Variants in SMAP1 observed in about 807,000 individuals in gnomAD.
The protein encoded by SMAP1 is stromal membrane-associated protein 1.
SMAP1 carries 24 observed loss-of-function variants against 58.5 expected under a neutral mutation model. The observed-to-expected ratio is 0.41, with a 90% CI of 0.30 to 0.58. The LOEUF (loss-of-function observed/expected upper bound fraction) is 0.58. SMAP1 is among the 20% of genes least tolerant of loss of function. The pLI, the probability that SMAP1 is intolerant of heterozygous loss-of-function variation, is 0.29. For missense variants in SMAP1, 563 were observed against 566.3 expected, an observed-to-expected ratio of 0.99 and a Z score of 0.06; for synonymous variants, 216 against 196.6, an observed-to-expected ratio of 1.10 and a Z score of -0.82.
intron 5 of SMAP1, among the ~76,000 whole-genome samples, chr6:70,795,815 G>T (rs919991824): frequency 6.6e-6 from 1 of 150,930 alleles, no homozygotes; most frequent in Non-Finnish European, 1.5e-5. Context: ...TCAGCTCACT[G>T]CAACCTCCGC....
chr6:70,681,438 CA>C (rs1391815093), intron 1 of SMAP1, among the ~76,000 whole-genome samples: 3 of 152,046 alleles, frequency 2.0e-5, no homozygotes, highest in Non-Finnish European at 4.4e-5. Context: ...AAAACAAAAA[CA>C]AAAAACATGC....
At chr6:70,767,849 C>A (rs1373076040) in intron 3 of SMAP1, among the ~76,000 whole-genome samples, 1 of 139,686 alleles carries the variant, frequency 7.2e-6, no homozygotes, top group Non-Finnish European at 1.5e-5. Context: ...GGGAATGCTT[C>A]CAGTTTTTGC....
intron 4 of SMAP1, among the ~76,000 whole-genome samples, chr6:70,776,903 T>A (rs1767570184): frequency 6.6e-6 from 1 of 152,232 alleles, no homozygotes; most frequent in Admixed American, 6.5e-5. Flanking sequence ...GATGGAAATT[T>A]AGGTTAATTC....
At chr6:70,787,728 T>C (rs1317655613) in intron 4 of SMAP1, among the ~76,000 whole-genome samples, 1 of 151,156 alleles carries the variant, frequency 6.6e-6, no homozygotes, top group Non-Finnish European at 1.5e-5. Context: ...ATCAGAGAAA[T>C]GCAAATCAAA....
At chr6:70,710,902 C>T (rs1161828060) in intron 1 of SMAP1, among the ~76,000 whole-genome samples, 4 of 152,020 alleles carry the variant, frequency 2.6e-5, no homozygotes, top group East Asian at 1.9e-4. Context: ...AACTAAGACA[C>T]GAACACCCAT....
chr6:70,723,367 C>G (rs189896311), intron 1 of SMAP1, among the ~76,000 whole-genome samples: 2 of 152,306 alleles, frequency 1.3e-5, no homozygotes, highest in East Asian at 3.9e-4. Context: ...TGTGAAGAAG[C>G]CATATTGTTC....
At chr6:70,825,735 A>C (rs1279411461) in intron 6 of SMAP1, among the ~76,000 whole-genome samples, 1 of 152,228 alleles carries the variant, frequency 6.6e-6, no homozygotes, top group East Asian at 1.9e-4. Flanking sequence ...CAAATTGGAT[A>C]CTTGTAAGAG....
At chr6:70,821,070 C>T (rs373050947) in intron 6 of SMAP1, among the ~76,000 whole-genome samples, 10 of 152,116 alleles carry the variant, frequency 6.6e-5, no homozygotes, top group Admixed American at 2.0e-4. Context: ...GATTTCCCCC[C>T]CTCCCTGCCC....
At chr6:70,694,849 T>C (rs936897986) in intron 1 of SMAP1, among the ~76,000 whole-genome samples, 1 of 152,222 alleles carries the variant, frequency 6.6e-6, no homozygotes, top group Non-Finnish European at 1.5e-5. Flanking sequence ...TTTTTGAAAT[T>C]ATTTAACTGC....
At chr6:70,800,860 T>C (rs905407026) in intron 6 of SMAP1, among the ~76,000 whole-genome samples, 2 of 152,232 alleles carry the variant, frequency 1.3e-5, no homozygotes, top group Admixed American at 6.5e-5. Flanking sequence ...CCTTTTGTTA[T>C]GACTGTGTAG....
At position 70,860,430 on chromosome 6, in the gene SMAP1, T is replaced by A. The variant is rs568284267; in HGVS notation, c.*96T>A. The A allele has an allele frequency of 7.1e-7, 1 of 1,407,822 alleles. No individual in the cohort carries two copies. The allele number at this position is 1,407,822 out of a possible 1,614,324, so 87.2% of individuals were successfully genotyped here. On this transcript the variant is annotated 3_prime_UTR_variant, in exon 11 of 11. Coordinates refer to ENST00000370455, the MANE Select transcript of SMAP1 (RefSeq NM_001044305.3). ...TTTATTCATATGCATATTTTTTTTC[T>A]TTTTACCCATTTGTTCATATTAAGA...
At chr6:70,759,911 AT>A (rs1484402872) in intron 3 of SMAP1, 8 of 433,886 alleles carry the variant, frequency 1.8e-5, no homozygotes, top group African/African-American at 4.1e-5. Context: ...TGACCATGGC[AT>A]TTTATGTACA....
At chr6:70,806,784 G>T (rs992172915) in intron 6 of SMAP1, among the ~76,000 whole-genome samples, 1 of 152,086 alleles carries the variant, frequency 6.6e-6, no homozygotes, top group African/African-American at 2.4e-5. Context: ...AAACATATTT[G>T]GGATTTGGAA....
At chr6:70,838,008 A>G in intron 7 of SMAP1, 3 of 847,032 alleles carry the variant, frequency 3.5e-6, no homozygotes, top group South Asian at 5.1e-5. Context: ...AAAGTTGTGT[A>G]TTAGAAATAT....
At chr6:70,704,597 A>G (rs997095766) in intron 1 of SMAP1, among the ~76,000 whole-genome samples, 3 of 152,168 alleles carry the variant, frequency 2.0e-5, no homozygotes, top group Admixed American at 6.6e-5. Flanking sequence ...CTGGTACAGA[A>G]TTTGCCTTAG....
chr6:70,861,833 A>G lies in SMAP1; in HGVS notation c.*1499A>G, dbSNP rs1250447044. On this transcript the variant is annotated 3_prime_UTR_variant, in exon 11 of 11. Transcript: ENST00000370455. ...GCAGCACAAGTGTAATGAATACCTT[A>G]GTGCAGTTATTTGCTTTCGGTTCCA... 2 of 1,614,080 alleles carry G rather than the reference A, an allele frequency of 1.2e-6. No homozygotes were observed. The highest frequency in any genetic ancestry group is 1.7e-6 in the Non-Finnish European group (2 of 1,179,974).
Position 70,860,426 on chromosome 6 carries a change from T to C in SMAP1, c.*92T>C. The C allele has an allele frequency of 6.8e-7, 1 of 1,463,202 alleles. No homozygotes were observed. Among genetic ancestry groups the C allele is most frequent in the Non-Finnish European group, 9.2e-7 (1 of 1,091,142 alleles). 90.6% of individuals were successfully genotyped at this position (1,463,202 alleles called of 1,614,324 possible). On this transcript the variant is annotated 3_prime_UTR_variant, in exon 11 of 11. Coordinates refer to ENST00000370455, the MANE Select transcript of SMAP1 (RefSeq NM_001044305.3). Reference sequence around the variant, plus strand: ...CCTGTTTATTCATATGCATATTTTTTTTCTTTTTACCCATTTGTTCATATT... The same window carrying C: ...CCTGTTTATTCATATGCATATTTTTCTTCTTTTTACCCATTTGTTCATATT...
chr6:70,728,699 A>T (rs1194953284), intron 1 of SMAP1, among the ~76,000 whole-genome samples: 1 of 152,238 alleles, frequency 6.6e-6, no homozygotes, highest in Non-Finnish European at 1.5e-5. Context: ...ATGAGTGTAG[A>T]CATTTACAGG....
chr6:70,814,161 C>T (rs1320725421), intron 6 of SMAP1, among the ~76,000 whole-genome samples: 1 of 152,146 alleles, frequency 6.6e-6, no homozygotes, highest in Non-Finnish European at 1.5e-5. Context: ...CTGTCTTTTA[C>T]AGTTGCCTCT....
Sources: gnomAD v4.1 joint callset for allele counts (sites outside exome capture counted in the v4.1 genomes callset) on GRCh38, gnomAD v4.1.1 for gene constraint, MANE v1.5 for transcripts, NCBI Gene and HGNC (gene_info 2026-07-23, HGNC 2026-07-21) for gene names.